The following HIPK2 variants were observed in gnomAD, a reference collection of about 807,000 sequenced individuals.
HIPK2 encodes homeodomain interacting protein kinase 2.
HIPK2 carries 27 observed loss-of-function variants against 113.7 expected under a neutral mutation model. The ratio of observed to expected loss-of-function variants is 0.24; its 90% CI spans 0.17 to 0.33. The LOEUF (loss-of-function observed/expected upper bound fraction) is 0.33, where lower values mean the gene tolerates loss of function less well. Among genes scored for constraint, HIPK2 ranks in the 10% least tolerant of loss-of-function variants. HIPK2 has a pLI of 1.00. For synonymous variants in HIPK2, 631 were observed against 642.2 expected, an observed-to-expected ratio of 0.98 and a Z score of 0.26; for missense variants, 1,257 against 1,588.0, an observed-to-expected ratio of 0.79 and a Z score of 3.54.
intron 1 of HIPK2, among the ~76,000 whole-genome samples, chr7:139,737,044 G>A (rs1353872595): frequency 6.6e-6 from 1 of 152,150 alleles, no homozygotes; most frequent in Non-Finnish European, 1.5e-5. Flanking sequence ...TGCCAGCCAA[G>A]CCCTTTTCAT....
chr7:139,714,205 A>G lies in HIPK2; in HGVS notation c.1103+1727T>C, dbSNP rs1230383438. Among the ~76,000 whole-genome samples, 1 of 152,240 alleles carries G rather than the reference A, an allele frequency of 6.6e-6. No individual in the cohort carries two copies. The highest frequency in any genetic ancestry group is 2.4e-5 in the African/African-American group (1 of 41,468). ...TGAGCGGGAAAGGAATCCTCAGGGC[A>G]GGGCAGAGAAGAGGCTCGCAGAGAG... On this transcript the variant is annotated intron_variant, in intron 2 of 14. Transcript: ENST00000406875. The surrounding 1 kb of genome is among the most constrained non-coding windows in gnomAD (Gnocchi z 4.2).
chr7:139,751,665 C>G (rs1284759837), intron 1 of HIPK2, among the ~76,000 whole-genome samples: 1 of 151,934 alleles, frequency 6.6e-6, no homozygotes, highest in African/African-American at 2.4e-5. Context: ...ACCATGCACA[C>G]AAACCATCAC....
chr7:139,661,895 T>C (rs1486608624), intron 2 of HIPK2, among the ~76,000 whole-genome samples: 6 of 152,212 alleles, frequency 3.9e-5, no homozygotes, highest in Admixed American at 3.9e-4. Context: ...CATTCATCCT[T>C]ACATAACTAT....
chr7:139,676,848 ATTTCTTT>A (rs1802513387), intron 2 of HIPK2, among the ~76,000 whole-genome samples: 1 of 103,496 alleles, frequency 9.7e-6, no homozygotes, highest in Non-Finnish European at 2.3e-5. Context: ...GAACCATAGT[ATTTCTTT>A]TTTTCTTTTT....
At chr7:139,761,271 G>C (rs1055827114) in intron 1 of HIPK2, among the ~76,000 whole-genome samples, 1 of 152,212 alleles carries the variant, frequency 6.6e-6, no homozygotes, top group Non-Finnish European at 1.5e-5. Flanking sequence ...TATGGTTCAG[G>C]CAAGAATGAC....
intron 2 of HIPK2, among the ~76,000 whole-genome samples, chr7:139,635,293 G>C (rs954198363): frequency 2.0e-5 from 3 of 152,184 alleles, no homozygotes; most frequent in African/African-American, 7.2e-5. Context: ...TAAGTCTTAG[G>C]AAGGCCGGTC....
chr7:139,682,226 C>T lies in HIPK2; in HGVS notation c.1103+33706G>A, dbSNP rs1802728863. Among the ~76,000 whole-genome samples the T allele has an allele frequency of 2.6e-5, 4 of 152,216 alleles. No homozygotes were observed. The South Asian group carries it at 8.3e-4, about 32-fold the overall frequency. ...CTTATGATTCAGTCCTGTTACCTCT[C>T]CAGCCTCATCATCCACCACATGCCC... On this transcript the variant is annotated intron_variant, in intron 2 of 14. Coordinates refer to ENST00000406875, the MANE Select transcript of HIPK2 (RefSeq NM_022740.5).
At position 139,613,423 on chromosome 7, in the gene HIPK2, C is replaced by A; in HGVS notation, c.1991-100G>T. The stretch of plus-strand genomic sequence containing the variant: ...GGCAGTTATGTCAACTTTCTGCTTC[C>A]CTTTGCACTGGTCACTGACAACAAC... On this transcript the variant is annotated intron_variant, in intron 8 of 14. Transcript: ENST00000406875. This position sits in a 1 kb window ranked among gnomAD's most constrained non-coding sequence, Gnocchi z 4.2. 7.1e-7 allele frequency: 1 copy of A among 1,405,638 alleles called. No homozygotes were observed. The highest frequency in any genetic ancestry group is 9.7e-7 in the Non-Finnish European group (1 of 1,029,274). The allele number at this position is 1,405,638 out of a possible 1,614,324, so 87.1% of individuals were successfully genotyped here. A position where few individuals can be genotyped will look rare whatever the true frequency, so the allele number is the denominator to read the frequency against.
chr7:139,670,596 C>CA lies in HIPK2; in HGVS notation c.1104-38872dup, dbSNP rs1802231122. On this transcript the variant is annotated intron_variant, in intron 2 of 14. Coordinates refer to ENST00000406875, the MANE Select transcript of HIPK2 (RefSeq NM_022740.5). ...ACCCTGTCTTGAAAAAAAAAAAGAACAAAAAAAGTGAAGGAAAAATAAAAA... is the reference window on the plus strand; with the variant it reads ...ACCCTGTCTTGAAAAAAAAAAAGAACAAAAAAAAGTGAAGGAAAAATAAAAA... 2.0e-5 allele frequency among the ~76,000 whole-genome samples: 3 copies of CA among 149,514 alleles called. No individual in the cohort carries two copies. In the South Asian group the frequency reaches 6.4e-4, roughly 32 times the overall value.
intron 2 of HIPK2, among the ~76,000 whole-genome samples, chr7:139,705,947 T>G (rs1388576232): frequency 6.6e-6 from 1 of 152,130 alleles, no homozygotes; most frequent in Non-Finnish European, 1.5e-5. Context: ...ATGCAGCTCT[T>G]ACGTACGAAG....
intron 1 of HIPK2, among the ~76,000 whole-genome samples, chr7:139,723,363 T>A (rs1203962709): frequency 1.3e-5 from 2 of 152,118 alleles, no homozygotes; most frequent in Non-Finnish European, 2.9e-5. Flanking sequence ...CCAGCTAATA[T>A]TTGTATTTTT....
chr7:139,695,204 C>A (rs1794527933), intron 2 of HIPK2, among the ~76,000 whole-genome samples: 1 of 152,228 alleles, frequency 6.6e-6, no homozygotes, highest in Middle Eastern at 3.2e-3. Flanking sequence ...TCTCCCACTG[C>A]CAGCAGCCAT....
intron 2 of HIPK2, among the ~76,000 whole-genome samples, chr7:139,673,885 TAAAAAAAAAAAAAA>T (rs60905469): frequency 8.2e-5 from 6 of 73,454 alleles, no homozygotes; most frequent in African/African-American, 3.0e-4. Context: ...CTATCTGTAC[TAAAAAAAAAAAAAA>T]AAAAAAAAAA....
intron 1 of HIPK2, among the ~76,000 whole-genome samples, chr7:139,768,224 G>C (rs1431826724): frequency 6.6e-6 from 1 of 152,198 alleles, no homozygotes; most frequent in Non-Finnish European, 1.5e-5. Flanking sequence ...TCACTCCCTA[G>C]TTTGTGTCTT....
At chr7:139,600,678 A>AT in intron 10 of HIPK2, 82 bp from the exon 11 acceptor site, 1 of 1,472,344 alleles carries the variant, frequency 6.8e-7, no homozygotes. Flanking sequence ...TTCCTCCCCA[A>AT]TTAAACGCTG....
chr7:139,738,888 C>T (rs910630638), intron 1 of HIPK2, among the ~76,000 whole-genome samples: 1 of 152,108 alleles, frequency 6.6e-6, no homozygotes, highest in African/African-American at 2.4e-5. Context: ...GGGAATGGAA[C>T]CCAGGATGTC....
At chr7:139,607,846 G>A (rs1799673022) in intron 9 of HIPK2, among the ~76,000 whole-genome samples, 1 of 151,864 alleles carries the variant, frequency 6.6e-6, no homozygotes, top group African/African-American at 2.4e-5. Flanking sequence ...GAAGTCAATG[G>A]ATAATACCTA....
At chr7:139,647,575 GTATC>G (rs1184129655) in intron 2 of HIPK2, among the ~76,000 whole-genome samples, 2 of 152,134 alleles carry the variant, frequency 1.3e-5, no homozygotes, top group Non-Finnish European at 2.9e-5. Flanking sequence ...TAGGGAGTTT[GTATC>G]TATCTATCAT....
At chr7:139,749,514 C>T (rs1439243548) in intron 1 of HIPK2, among the ~76,000 whole-genome samples, 1 of 152,174 alleles carries the variant, frequency 6.6e-6, no homozygotes, top group Non-Finnish European at 1.5e-5. Flanking sequence ...AAATGCAGAG[C>T]CTGAGATCTA....
Sources: allele counts gnomAD v4.1 joint callset (sites outside exome capture counted in the v4.1 genomes callset), GRCh38; gene constraint gnomAD v4.1.1; non-coding constraint Gnocchi (gnomAD v3.1); transcripts MANE v1.5; gene names NCBI Gene and HGNC (gene_info 2026-07-23, HGNC 2026-07-21).